The following CROCC variants were observed in gnomAD, a reference collection of about 807,000 sequenced individuals.
CROCC encodes ciliary rootlet coiled-coil, rootletin.
Under a neutral mutation model 245.2 loss-of-function variants are expected in CROCC, and 180 were observed. That is an observed-to-expected ratio of 0.73 (90% CI 0.65 to 0.83). The LOEUF is 0.83. Among genes scored for constraint, CROCC ranks in the 40% least tolerant of loss-of-function variants. The pLI, the probability that CROCC is intolerant of heterozygous loss-of-function variation, is 0.00. For synonymous variants in CROCC, 1,205 were observed against 1,241.6 expected, an observed-to-expected ratio of 0.97 and a Z score of 0.62; for missense variants, 2,688 against 2,779.4, an observed-to-expected ratio of 0.97 and a Z score of 0.74.
intron 17 of CROCC, among the ~76,000 whole-genome samples, chr1:16,947,465 T>A (rs1450019918): frequency 6.7e-6 from 1 of 149,708 alleles, no homozygotes; most frequent in South Asian, 2.1e-4. Context: ...CAAGACTCCG[T>A]CTCAATAATA....
In CROCC at chr1:16,971,570, G is replaced by A. The variant is rs887604161; in HGVS notation, c.5890G>A (p.Ala1964Thr). 9.1e-6 allele frequency: 14 copies of A among 1,536,076 alleles called. No homozygotes were observed. The highest frequency in any genetic ancestry group is 4.2e-4 in the Middle Eastern group (2 of 4,706). The change falls in exon 36 of 37, where the codon GCC (alanine) becomes ACC (threonine). Residue 1964 changes from alanine (A) to threonine (T), a missense_variant. Ala to Thr is a moderately conservative substitution (Grantham distance 58). This residue lies in a region of CROCC where 1,218 missense variants were observed against 1,286.3 expected (regional missense o/e 0.95). Transcript: ENST00000375541. ...GCAGGAGGTGGAGCGGCTGCGCAGC[G>A]CCCAGGCGCAGACTGAGCGCACCCT... is the stretch of plus-strand genomic sequence containing the variant. Reference protein sequence around the residue: ...LQQEVERLRSAQAQTERTLEA... With the variant: ...LQQEVERLRSTQAQTERTLEA...
intron 25 of CROCC, among the ~76,000 whole-genome samples, chr1:16,956,981 T>C (rs1197791853): frequency 1.3e-5 from 2 of 152,262 alleles, no homozygotes; most frequent in South Asian, 2.1e-4. Context: ...CCCAGAGATA[T>C]CACAACCAGG....
upstream of CROCC, among the ~76,000 whole-genome samples, chr1:16,917,160 G>A (rs559758071): frequency 6.6e-6 from 1 of 152,404 alleles, no homozygotes; most frequent in South Asian, 2.1e-4. Flanking sequence ...TTGGAATCAG[G>A]CACACCTAGG....
chr1:16,957,036 C>T (rs565300294), intron 25 of CROCC, among the ~76,000 whole-genome samples: 4 of 152,314 alleles, frequency 2.6e-5, no homozygotes, highest in South Asian at 2.1e-4. Flanking sequence ...CTTTGGGAGG[C>T]GGAGGCCAGT....
At chr1:16,958,526 G>T in intron 25 of CROCC, 57 bp from the exon 26 acceptor site, 1 of 1,543,422 alleles carries the variant, frequency 6.5e-7, no homozygotes, top group South Asian at 1.2e-5. Flanking sequence ...CCTTGGGCCA[G>T]AACTGGGAGG....
Position 16,938,917 on chromosome 1 carries a change from G to A in CROCC, c.1383G>A (p.Leu461=). The part of the protein sequence containing the change: ...QTLRDLAQAV[L]SDSESGVQLS... ...CCCTCCCCCACCCTCAGGCCGTCTTGTCAGACTCTGAGAGCGGCGTCCAGC... is the reference window on the plus strand; with the variant it reads ...CCCTCCCCCACCCTCAGGCCGTCTTATCAGACTCTGAGAGCGGCGTCCAGC... Residue 461 remains leucine, a synonymous_variant, in exon 12 of 37, where the codon TTG becomes TTA. Coordinates refer to ENST00000375541, the MANE Select transcript of CROCC (RefSeq NM_014675.5). The A allele has an allele frequency of 6.2e-7, 1 of 1,603,552 alleles. No homozygotes were observed. The highest frequency in any genetic ancestry group is 8.5e-7 in the Non-Finnish European group (1 of 1,177,156).
intron 3 of CROCC, 114 bp from the exon 4 acceptor site, chr1:16,929,731 AG>A: frequency 7.0e-7 from 1 of 1,425,134 alleles, no homozygotes; most frequent in Non-Finnish European, 9.1e-7. Flanking sequence ...CCAGGGCGCC[AG>A]GCTATCAGCC....
At chr1:16,949,173 C>T (rs116217889) in intron 19 of CROCC, among the ~76,000 whole-genome samples, 8 of 152,262 alleles carry the variant, frequency 5.3e-5, no homozygotes, top group Admixed American at 2.0e-4. Flanking sequence ...GCCAGGATGA[C>T]GTGGGAAAAG....
upstream of CROCC, among the ~76,000 whole-genome samples, chr1:16,921,101 C>G (rs1423457134): frequency 1.3e-5 from 2 of 152,272 alleles, no homozygotes; most frequent in Non-Finnish European, 2.9e-5. Context: ...GAGTGTTGGC[C>G]ACGTGACCCC....
At chr1:16,924,519 C>T in intron 3 of CROCC, 40 bp downstream of exon 3, 1 of 1,598,444 alleles carries the variant, frequency 6.3e-7, no homozygotes, top group South Asian at 1.1e-5. Flanking sequence ...CAGGGTTCCC[C>T]TCGTTCAAGG....
intron 27 of CROCC, among the ~76,000 whole-genome samples, chr1:16,963,805 T>G (rs553864262): frequency 3.8e-5 from 5 of 132,608 alleles, no homozygotes; most frequent in South Asian, 2.3e-4. Flanking sequence ...TTTGTTTTTG[T>G]TTTTTTTTGA....
chr1:16,958,759 G>T lies in CROCC; in HGVS notation c.4032+9G>T, dbSNP rs892154796. On this transcript the variant is annotated intron_variant, in intron 26 of 36. Coordinates refer to ENST00000375541, the MANE Select transcript of CROCC (RefSeq NM_014675.5). ...AGGTGATGCGGCAGGAGGTAACTGA[G>T]CAGGCGGGCAGGCTGGTGCATCTTT... 9.0e-6 allele frequency: 14 copies of T among 1,550,986 alleles called. No individual in the cohort carries two copies. Among genetic ancestry groups the T allele is most frequent in the Non-Finnish European group, 1.2e-5 (14 of 1,146,856 alleles).
intron 16 of CROCC, 84 bp from the exon 17 acceptor site, chr1:16,946,677 G>T: frequency 7.2e-7 from 1 of 1,397,102 alleles, no homozygotes; most frequent in East Asian, 2.5e-5. Flanking sequence ...CTGGGCTATT[G>T]TTGCTGGTGG....
chr1:16,953,071 C>T lies in CROCC; in HGVS notation c.3007-231C>T, dbSNP rs540932279. On this transcript the variant is annotated intron_variant, in intron 20 of 36. Transcript: ENST00000375541. ...CTTACCTGGCTGACAGTTACTTGTC[C>T]CTCCGCAGGGGACCATGTTCGGACC... The T allele has an allele frequency of 7.4e-4, 394 of 530,204 alleles. 7 individuals carry two copies. Among genetic ancestry groups the T allele is most frequent in the South Asian group, 3.4e-3 (133 of 38,818 alleles). 32.8% of individuals were successfully genotyped at this position (530,204 alleles called of 1,614,324 possible). A position where few individuals can be genotyped will look rare whatever the true frequency, so the allele number is the denominator to read the frequency against.
chr1:16,922,793 G>A lies in CROCC; in HGVS notation c.191G>A (p.Ser64Asn), dbSNP rs1476795031. The A allele has an allele frequency of 6.2e-7, 1 of 1,611,982 alleles. No homozygotes were observed. The highest frequency in any genetic ancestry group is 8.5e-7 in the Non-Finnish European group (1 of 1,179,452). Residue 64 changes from serine (S) to asparagine (N), a missense_variant, in exon 2 of 37, where the codon AGC becomes AAC. Transcript: ENST00000375541. Reference sequence around the variant, plus strand: ...ACCCGCAACCTCTCCCAGCCTGAGAGCCCAGGTGCCACCCCCATCCGCTCC... The same window carrying A: ...ACCCGCAACCTCTCCCAGCCTGAGAACCCAGGTGCCACCCCCATCCGCTCC... ...IVTRNLSQPE[S>N]PVLLPATEMA...
In CROCC at chr1:16,955,502, A is replaced by G. The variant is rs957801955; in HGVS notation, c.3656A>G (p.Asn1219Ser). The G allele has an allele frequency of 4.8e-5, 76 of 1,577,012 alleles. No homozygotes were observed. The highest frequency in any genetic ancestry group is 6.1e-5 in the Non-Finnish European group (71 of 1,165,520). Residue 1219 changes from asparagine (N) to serine (S), a missense_variant, in exon 24 of 37, where the codon AAT becomes AGT. By Grantham distance (46) the Asn-to-Ser change is conservative (BLOSUM62 1). Around this residue, in one of 9 missense-constraint regions of CROCC, gnomAD observed 1,218 missense variants for 1,286.3 expected, o/e 0.95. Coordinates refer to ENST00000375541, the MANE Select transcript of CROCC (RefSeq NM_014675.5). ...AKEREALRRS[N>S]EELRSAVKKA... The stretch of plus-strand genomic sequence containing the variant: ...GAGCGCGAGGCCCTGCGGCGTTCCA[A>G]TGAGGAGCTTCGGTCTGCTGTGAAG...
At chr1:16,936,987 C>T in intron 9 of CROCC, 114 bp downstream of exon 9, 1 of 1,134,452 alleles carries the variant, frequency 8.8e-7, no homozygotes, top group Non-Finnish European at 1.3e-6. Flanking sequence ...TCTGTGAGCT[C>T]AGCCAGTCTT....
chr1:16,921,885 C>A, upstream of CROCC: 1 of 932,620 alleles, frequency 1.1e-6, no homozygotes, highest in South Asian at 1.6e-5. Flanking sequence ...GCGGTGGTCA[C>A]ATGGGGGCGC....
rs372353400 is a variant in CROCC, at chr1:16,971,630, C to G, written c.5950C>G (p.Arg1984Gly). The G allele has an allele frequency of 6.7e-7, 1 of 1,502,332 alleles. No individual in the cohort carries two copies. The highest frequency in any genetic ancestry group is 1.2e-5 in the South Asian group (1 of 80,008). The allele number at this position is 1,502,332 out of a possible 1,614,324, so 93.1% of individuals were successfully genotyped here. ...GGAGCGGGCCCACCGCCAGAGGGTG[C>G]GTGGGCTGGAGGAGCAGGTGTGCAG... is the stretch of plus-strand genomic sequence containing the variant. ...ARERAHRQRV[R>G]GLEEQVSTLK... The change falls in exon 36 of 37, where the codon CGT becomes GGT. Residue 1984 changes from arginine to glycine, a missense_variant. Physicochemically the swap from Arg to Gly is moderately radical, Grantham distance 125 (BLOSUM62 -2). Around this residue, in one of 9 missense-constraint regions of CROCC, gnomAD observed 1,218 missense variants for 1,286.3 expected, o/e 0.95. Transcript: ENST00000375541.
Sources: gnomAD v4.1 joint callset for allele counts (sites outside exome capture counted in the v4.1 genomes callset) on GRCh38, gnomAD v4.1.1 for gene constraint, gnomAD v4.1.1 regional missense constraint, MANE v1.5 for transcripts, NCBI Gene and HGNC (gene_info 2026-07-23, HGNC 2026-07-21) for gene names.